BTRC: variants seen among roughly 807,000 people sequenced by gnomAD.
BTRC encodes beta-transducin repeat containing E3 ubiquitin protein ligase, also known as F-box/WD repeat-containing protein 1A.
In BTRC, 42 loss-of-function variants were observed where a neutral mutation model predicts 85.5. That is an observed-to-expected ratio of 0.49 (90% CI 0.38 to 0.64). The LOEUF (loss-of-function observed/expected upper bound fraction) is 0.64, where lower values mean the gene tolerates loss of function less well. Among genes scored for constraint, BTRC ranks in the 30% least tolerant of loss-of-function variants. BTRC has a pLI of 0.00. For synonymous variants in BTRC, 255 were observed against 263.3 expected (o/e 0.97, Z 0.30); for missense variants, 594 against 743.5 (o/e 0.80, Z 2.34).
chr10:101,550,559 G>A (rs533083427), intron 13 of BTRC, 140 bp from the exon 14 acceptor site: 1 of 775,324 alleles, frequency 1.3e-6, no homozygotes, highest in South Asian at 1.9e-5. Flanking sequence ...TGGGATTACA[G>A]GTGTGAGCCA....
intron 1 of BTRC, among the ~76,000 whole-genome samples, chr10:101,407,081 G>C (rs1943647040): frequency 6.6e-6 from 1 of 152,098 alleles, no homozygotes; most frequent in African/African-American, 2.4e-5. Context: ...AATGAAGCTG[G>C]GCAAGGTGGC....
At chr10:101,437,925 C>T (rs951412026) in intron 2 of BTRC, among the ~76,000 whole-genome samples, 18 of 152,318 alleles carry the variant, frequency 1.2e-4, no homozygotes, top group African/African-American at 4.1e-4. Context: ...TCAGCTCAAG[C>T]TGAGCTAGAA....
Position 101,534,765 on chromosome 10 carries a change from A to G in BTRC, c.1202A>G (p.Lys401Arg). Reference protein sequence around the residue: ...FNNGMMVTCSKDRSIAVWDMA... With the variant: ...FNNGMMVTCSRDRSIAVWDMA... ...AATGGCATGATGGTGACCTGCTCCAAAGATCGTTCCATTGCTGTATGGGAT... is the reference window on the plus strand; with the variant it reads ...AATGGCATGATGGTGACCTGCTCCAGAGATCGTTCCATTGCTGTATGGGAT... Residue 401 changes from lysine (K) to arginine (R), a missense_variant, in exon 10 of 15, where the codon AAA (lysine) becomes AGA (arginine). Lys to Arg is a conservative substitution (Grantham distance 26). This residue lies in a region of BTRC where 373 missense variants were observed against 503.6 expected (regional missense o/e 0.74). Transcript: ENST00000370187. The G allele has an allele frequency of 6.2e-7, 1 of 1,614,126 alleles. No individual in the cohort carries two copies. Among genetic ancestry groups the G allele is most frequent in the Non-Finnish European group, 8.5e-7 (1 of 1,180,014 alleles).
chr10:101,444,455 C>G (rs1944770606), intron 2 of BTRC, among the ~76,000 whole-genome samples: 1 of 152,166 alleles, frequency 6.6e-6, no homozygotes, highest in Non-Finnish European at 1.5e-5. Flanking sequence ...CTGGGACCAG[C>G]TCTTGATATA....
At chr10:101,480,600 T>A (rs1375611081) in intron 4 of BTRC, among the ~76,000 whole-genome samples, 1 of 152,184 alleles carries the variant, frequency 6.6e-6, no homozygotes, top group Non-Finnish European at 1.5e-5. Flanking sequence ...TCTGCCTTCA[T>A]GAATTTTGGA....
intron 4 of BTRC, among the ~76,000 whole-genome samples, chr10:101,520,170 G>T (rs559003172): frequency 5.3e-5 from 8 of 151,944 alleles, no homozygotes; most frequent in Non-Finnish European, 1.0e-4. Flanking sequence ...GGGGGACAGA[G>T]TCTCGCCCTG....
intron 2 of BTRC, among the ~76,000 whole-genome samples, chr10:101,430,845 A>AT (rs1000329729): frequency 4.0e-5 from 6 of 151,892 alleles, no homozygotes; most frequent in South Asian, 2.1e-4. Flanking sequence ...ACATTTTCTT[A>AT]TTTTTTTTAA....
intron 2 of BTRC, among the ~76,000 whole-genome samples, chr10:101,443,697 G>A: frequency 6.6e-6 from 1 of 152,140 alleles, no homozygotes; most frequent in South Asian, 2.1e-4. Context: ...TTGTGAGATT[G>A]AGGTACTTAG....
intron 4 of BTRC, among the ~76,000 whole-genome samples, chr10:101,490,205 CT>C: frequency 6.6e-6 from 1 of 151,708 alleles, no homozygotes; most frequent in East Asian, 1.9e-4. Flanking sequence ...TCCTTCCTCC[CT>C]TCTTCCCTCC....
intron 12 of BTRC, 98 bp downstream of exon 12, chr10:101,536,751 CT>C: frequency 3.3e-6 from 3 of 903,540 alleles, no homozygotes; most frequent in Non-Finnish European, 5.0e-6. Context: ...TTTCTAAAAG[CT>C]TATAGATTTT....
rs12218008 is a variant in BTRC at position 101,366,878 on chromosome 10, T to C, written c.48+12650T>C. 2.8e-3 allele frequency among the ~76,000 whole-genome samples: 44 copies of C among 15,910 alleles called. 5 individuals are homozygous for C. Among genetic ancestry groups the C allele is most frequent in the African/African-American group, 8.8e-3 (43 of 4,878 alleles). The allele number at this position is 15,910 out of a possible 152,430, so 10.4% of individuals were successfully genotyped here. On this transcript the variant is annotated intron_variant, in intron 1 of 14. Coordinates refer to ENST00000370187, the MANE Select transcript of BTRC (RefSeq NM_033637.4). ...TATATATTTATATATTAATATATAT[T>C]TATATATATTTATATATATTTATAT...
Position 101,460,853 on chromosome 10 carries a change from T to A in BTRC, c.157-1128T>A, listed in dbSNP as rs1945204718. On this transcript the variant is annotated intron_variant, in intron 2 of 14. Transcript: ENST00000370187. ...ACCTACAAATAAACTAACCCTCCTG[T>A]TAGAACGTTATGACTATATGTAATG... 8.5e-5 allele frequency among the ~76,000 whole-genome samples: 13 copies of A among 152,332 alleles called. No individual in the cohort carries two copies. The South Asian group carries it at 2.3e-3, about 27-fold the overall frequency.
At chr10:101,414,168 T>C (rs1281914690) in intron 1 of BTRC, among the ~76,000 whole-genome samples, 1 of 152,160 alleles carries the variant, frequency 6.6e-6, no homozygotes, top group Non-Finnish European at 1.5e-5. Context: ...CCATCCTACT[T>C]TCTGAATTTG....
At chr10:101,469,590 A>G (rs1945468796) in intron 3 of BTRC, among the ~76,000 whole-genome samples, 1 of 152,246 alleles carries the variant, frequency 6.6e-6, no homozygotes, top group Non-Finnish European at 1.5e-5. Flanking sequence ...ACCTCTGTAA[A>G]AAATTTACTC....
intron 4 of BTRC, among the ~76,000 whole-genome samples, chr10:101,506,607 A>G (rs1215610479): frequency 8.5e-5 from 13 of 152,170 alleles, no homozygotes; most frequent in Admixed American, 8.5e-4. Flanking sequence ...GTACCAAGCC[A>G]AGATGCCAAC....
chr10:101,528,454 T>A (rs1013606471), intron 6 of BTRC, among the ~76,000 whole-genome samples: 1 of 152,194 alleles, frequency 6.6e-6, no homozygotes, highest in Non-Finnish European at 1.5e-5. Flanking sequence ...CAGCACTAAT[T>A]ACCACTTTTT....
intron 2 of BTRC, among the ~76,000 whole-genome samples, chr10:101,433,522 G>A (rs1944453101): frequency 6.6e-6 from 1 of 152,190 alleles, no homozygotes; most frequent in South Asian, 2.1e-4. Flanking sequence ...GGAAGAGTCA[G>A]TGCAAAGGCC....
chr10:101,421,158 A>G lies in BTRC; in HGVS notation c.49-9187A>G, dbSNP rs116488041. ...TGTTGAAGTTAATTCATTTTTCCTT[A>G]TGATCAGTTATCCAGTCCTGTTGAT... is the stretch of plus-strand genomic sequence containing the variant. On this transcript the variant is annotated intron_variant, in intron 1 of 14. Coordinates refer to ENST00000370187, the MANE Select transcript of BTRC (RefSeq NM_033637.4). Among the ~76,000 whole-genome samples, 1,508 of 151,972 alleles carry G rather than the reference A, an allele frequency of 9.9e-3. 24 individuals carry two copies. Among genetic ancestry groups the G allele is most frequent in the African/African-American group, 0.034 (1,426 of 41,412 alleles).
rs141086458 is a variant in BTRC, at chr10:101,406,704, T to G, written c.49-23641T>G. 6.6e-5 allele frequency among the ~76,000 whole-genome samples: 10 copies of G among 151,810 alleles called. No homozygotes were observed. In the East Asian group the frequency reaches 2.0e-3, roughly 30 times the overall value. ...ACGTGCCATCACAGCTAGCTAATTT[T>G]TGTGTTTTTAATATAGACAGGGTTT... On this transcript the variant is annotated intron_variant, in intron 1 of 14. Coordinates refer to ENST00000370187, the MANE Select transcript of BTRC (RefSeq NM_033637.4).
Sources: allele counts gnomAD v4.1 joint callset (sites outside exome capture counted in the v4.1 genomes callset), GRCh38; gene constraint gnomAD v4.1.1; regional missense constraint gnomAD v4.1.1; transcripts MANE v1.5; gene names NCBI Gene and HGNC (gene_info 2026-07-23, HGNC 2026-07-21).